KYNU: variants seen among roughly 807,000 people sequenced by gnomAD.
KYNU encodes kynureninase.
Under a neutral mutation model 59.2 loss-of-function variants are expected in KYNU, and 54 were observed. The ratio of observed to expected loss-of-function variants is 0.91; its 90% CI spans 0.73 to 1.14. The LOEUF (loss-of-function observed/expected upper bound fraction) is 1.14. Ranked by LOEUF, KYNU falls within the 50% of genes most tolerant of loss-of-function variation. The probability of loss-of-function intolerance (pLI) is 0.00; values close to 1 mark genes in which losing one functional copy is unlikely to be tolerated. For synonymous variants in KYNU, 177 were observed against 192.0 expected, an observed-to-expected ratio of 0.92 and a Z score of 0.65; for missense variants, 567 against 554.4, an observed-to-expected ratio of 1.02 and a Z score of -0.23.
In KYNU at chr2:143,042,583, G is replaced by GATATATAT. The variant is rs10528472; in HGVS notation, c.*452_*459dup. ...GAGTTTCTTTGAAGCATTGTAGTCT[G>GATATATAT]ATATATATATATATATATATATATA... On this transcript the variant is annotated 3_prime_UTR_variant, in exon 14 of 14. Transcript: ENST00000264170. The GATATATAT allele has an allele frequency of 1.3e-4, 18 of 136,416 alleles. No homozygotes were observed. Among genetic ancestry groups the GATATATAT allele is most frequent in the African/African-American group, 2.1e-4 (7 of 32,954 alleles). 8.5% of individuals were successfully genotyped at this position (136,416 alleles called of 1,614,324 possible).
At chr2:142,975,354 C>T (rs1266484375) in intron 8 of KYNU, among the ~76,000 whole-genome samples, 3 of 152,288 alleles carry the variant, frequency 2.0e-5, no homozygotes, top group East Asian at 1.9e-4. Flanking sequence ...TCCAGTTCCT[C>T]ATCCCACTGA....
chr2:142,917,908 A>G (rs1288918002), intron 2 of KYNU, among the ~76,000 whole-genome samples: 1 of 152,162 alleles, frequency 6.6e-6, no homozygotes, highest in Non-Finnish European at 1.5e-5. Flanking sequence ...TTTTTCCCTA[A>G]GATATAAGAG....
At chr2:143,001,176 T>C (rs1344947229) in intron 10 of KYNU, among the ~76,000 whole-genome samples, 3 of 151,974 alleles carry the variant, frequency 2.0e-5, no homozygotes, top group Non-Finnish European at 4.4e-5. Flanking sequence ...CAAGAGGGAG[T>C]GAGTTAGACA....
chr2:142,987,741 T>G (rs969405872), intron 10 of KYNU, among the ~76,000 whole-genome samples: 7 of 151,922 alleles, frequency 4.6e-5, no homozygotes, highest in Non-Finnish European at 5.9e-5. Context: ...ACATTTAATA[T>G]GGTTTGGATT....
chr2:143,031,425 C>G (rs545618023), intron 11 of KYNU, among the ~76,000 whole-genome samples: 1 of 152,112 alleles, frequency 6.6e-6, no homozygotes, highest in Non-Finnish European at 1.5e-5. Context: ...TTTCATAAAA[C>G]TGTATTTTAA....
At position 143,050,906 on chromosome 2, in the gene KYNU, A is replaced by G. The variant is rs915184212; in HGVS notation, c.*8734A>G. On this transcript the variant is annotated 3_prime_UTR_variant, in exon 14 of 14. Coordinates refer to ENST00000264170, the MANE Select transcript of KYNU (RefSeq NM_003937.3). ...AACCTTCAAACAGCCTGGAAATATCACATCAATAAAGCACAACCTGGGAAT... is the reference window on the plus strand; with the variant it reads ...AACCTTCAAACAGCCTGGAAATATCGCATCAATAAAGCACAACCTGGGAAT... 2.0e-5 allele frequency: 3 copies of G among 152,140 alleles called. No individual in the cohort carries two copies. Among genetic ancestry groups the G allele is most frequent in the Non-Finnish European group, 4.4e-5 (3 of 68,032 alleles). The allele number at this position is 152,140 out of a possible 1,614,324, so 9.4% of individuals were successfully genotyped here.
intron 10 of KYNU, chr2:142,989,619 G>A (rs1385022119): frequency 5.2e-5 from 24 of 465,902 alleles, no homozygotes; most frequent in Non-Finnish European, 6.7e-5. Context: ...TCTTCTTTTT[G>A]ACAATTTGAC....
At chr2:143,000,143 A>C (rs898405919) in intron 10 of KYNU, among the ~76,000 whole-genome samples, 12 of 152,168 alleles carry the variant, frequency 7.9e-5, no homozygotes, top group Admixed American at 6.5e-4. Context: ...TATAATACGA[A>C]ATATTCCCTC....
chr2:143,001,082 T>C (rs1008503300), intron 10 of KYNU, among the ~76,000 whole-genome samples: 7 of 152,200 alleles, frequency 4.6e-5, no homozygotes, highest in Non-Finnish European at 1.0e-4. Context: ...GCTTTGACTC[T>C]ATTTTCCTTC....
chr2:142,905,962 A>G (rs1301890823), intron 2 of KYNU, among the ~76,000 whole-genome samples: 2 of 151,290 alleles, frequency 1.3e-5, no homozygotes, highest in Non-Finnish European at 2.9e-5. Flanking sequence ...TTTCTTTACT[A>G]CTTCTATCTT....
chr2:143,029,536 A>C, intron 10 of KYNU, 91 bp from the exon 11 acceptor site: 1 of 788,574 alleles, frequency 1.3e-6, no homozygotes, highest in South Asian at 1.4e-5. Flanking sequence ...CAGTGAGCTG[A>C]GATCACGCCA....
chr2:143,035,076 A>T (rs1686857747), intron 12 of KYNU, among the ~76,000 whole-genome samples: 1 of 152,190 alleles, frequency 6.6e-6, no homozygotes. Flanking sequence ...CACCTAGACA[A>T]AGTTTTTATT....
At chr2:142,897,823 A>G (rs1361262843) in intron 2 of KYNU, among the ~76,000 whole-genome samples, 1 of 152,230 alleles carries the variant, frequency 6.6e-6, no homozygotes, top group Non-Finnish European at 1.5e-5. Context: ...CTGGCCTTTT[A>G]GTAGAATATT....
chr2:142,920,780 T>C (rs999184543), intron 3 of KYNU, among the ~76,000 whole-genome samples: 2 of 152,226 alleles, frequency 1.3e-5, no homozygotes, highest in African/African-American at 2.4e-5. Flanking sequence ...ATTTTAGTCT[T>C]CTTGTTTTAA....
At chr2:142,987,877 A>G (rs1038893561) in intron 10 of KYNU, among the ~76,000 whole-genome samples, 14 of 151,688 alleles carry the variant, frequency 9.2e-5, no homozygotes, top group Non-Finnish European at 1.9e-4. Flanking sequence ...TCTTAATGAA[A>G]TATAGTTGTT....
At chr2:143,029,302 A>C (rs1345270025) in intron 10 of KYNU, among the ~76,000 whole-genome samples, 2 of 152,184 alleles carry the variant, frequency 1.3e-5, no homozygotes, top group African/African-American at 2.4e-5. Context: ...TCAAAATATC[A>C]TGTCCAGTCA....
At chr2:142,943,665 A>C (rs1229503951) in intron 4 of KYNU, among the ~76,000 whole-genome samples, 1 of 152,170 alleles carries the variant, frequency 6.6e-6, no homozygotes, top group Non-Finnish European at 1.5e-5. Flanking sequence ...ACATGCATTC[A>C]AGGTTATAAA....
chr2:143,015,291 A>G (rs1686216026), intron 10 of KYNU, among the ~76,000 whole-genome samples: 1 of 152,210 alleles, frequency 6.6e-6, no homozygotes, highest in African/African-American at 2.4e-5. Flanking sequence ...TTTTAAGATC[A>G]AACAGTTCAA....
chr2:142,919,580 C>A (rs537397267), intron 3 of KYNU, among the ~76,000 whole-genome samples: 16 of 152,266 alleles, frequency 1.1e-4, no homozygotes, highest in African/African-American at 3.8e-4. Context: ...AGAATACATT[C>A]TTTACCTTTC....
Sources: allele counts gnomAD v4.1 joint callset (sites outside exome capture counted in the v4.1 genomes callset), GRCh38; gene constraint gnomAD v4.1.1; transcripts MANE v1.5; gene names NCBI Gene and HGNC (gene_info 2026-07-23, HGNC 2026-07-21).